Variants in EIF4G3 observed in about 807,000 individuals in gnomAD.
EIF4G3 encodes the protein eukaryotic translation initiation factor 4 gamma 3.
EIF4G3 carries 34 observed loss-of-function variants against 186.4 expected under a neutral mutation model. The observed-to-expected ratio is 0.18, with a 90% CI of 0.14 to 0.24. The LOEUF is 0.24. EIF4G3 is among the 10% of genes least tolerant of loss of function. The probability of loss-of-function intolerance (pLI) is 1.00; values close to 1 mark genes in which losing one functional copy is unlikely to be tolerated. For missense variants in EIF4G3, 1,536 were observed against 1,948.5 expected (o/e 0.79, Z 3.99); for synonymous variants, 673 against 679.5 (o/e 0.99, Z 0.15).
At position 20,857,489 on chromosome 1, in the gene EIF4G3, T is replaced by C; in HGVS notation, c.3253A>G (p.Arg1085Gly). Reference sequence around the variant, plus strand: ...GTGTTCCACCCACCTTCGTCCACTCTCTGGACACCTGCAGGGAGAACAGAG... The same window carrying C: ...GTGTTCCACCCACCTTCGTCCACTCCCTGGACACCTGCAGGGAGAACAGAG... ...TKEKRRPGVQ[R>G]VDEGGWNTVQ... Residue 1085 changes from arginine to glycine, a missense_variant, in exon 25 of 37, where the codon AGA becomes GGA. Arg to Gly is a moderately radical substitution (Grantham distance 125). Transcript: ENST00000602326. The C allele has an allele frequency of 1.9e-6, 3 of 1,613,944 alleles. No homozygotes were observed. The highest frequency in any genetic ancestry group is 2.5e-6 in the Non-Finnish European group (3 of 1,179,804).
At position 20,817,601 on chromosome 1, in the gene EIF4G3, AGAG is replaced by A. The variant is rs973956253; in HGVS notation, c.4369-66_4369-64del. Reference sequence around the variant, plus strand: ...ATAATTCTATGTTATTGTCATCCTGAGAGAAGAACAAAGTCATAGGTTACGTCT... The same window carrying A: ...ATAATTCTATGTTATTGTCATCCTGAAAGAACAAAGTCATAGGTTACGTCT... On this transcript the variant is annotated intron_variant, in intron 33 of 36. Coordinates refer to ENST00000602326, the MANE Select transcript of EIF4G3 (RefSeq NM_001391906.1). 13 of 1,102,680 alleles carry A rather than the reference AGAG, an allele frequency of 1.2e-5. No homozygotes were observed. The Admixed American group carries it at 2.2e-4, about 19-fold the overall frequency. 68.3% of individuals were successfully genotyped at this position (1,102,680 alleles called of 1,614,324 possible).
intron 13 of EIF4G3, among the ~76,000 whole-genome samples, chr1:20,948,482 A>G (rs1162197538): frequency 6.6e-6 from 1 of 152,204 alleles, no homozygotes; most frequent in Non-Finnish European, 1.5e-5. Flanking sequence ...AATACAGTAT[A>G]GGACCTGTCT....
intron 2 of EIF4G3, among the ~76,000 whole-genome samples, chr1:21,172,863 G>A (rs1394644471): frequency 4.0e-5 from 6 of 151,464 alleles, no homozygotes; most frequent in Admixed American, 2.0e-4. Context: ...GTTCTCGGCC[G>A]GGTGCAGTGG....
intron 2 of EIF4G3, among the ~76,000 whole-genome samples, chr1:21,109,897 G>A (rs1216654018): frequency 2.0e-5 from 3 of 152,182 alleles, no homozygotes; most frequent in Middle Eastern, 3.4e-3. Context: ...CGATTCTCCC[G>A]CCTCAGCCAC....
intron 4 of EIF4G3, among the ~76,000 whole-genome samples, chr1:21,040,908 C>G (rs934100558): frequency 6.6e-6 from 1 of 152,124 alleles, no homozygotes; most frequent in Non-Finnish European, 1.5e-5. Flanking sequence ...ACAAGGCAAA[C>G]GTCACCCTGT....
chr1:20,948,676 T>G (rs951786888), intron 13 of EIF4G3, among the ~76,000 whole-genome samples: 4 of 152,128 alleles, frequency 2.6e-5, no homozygotes, highest in Non-Finnish European at 4.4e-5. Flanking sequence ...TAATATTAAA[T>G]ATATCTATTT....
chr1:20,931,614 C>T (rs1258741849), intron 14 of EIF4G3, among the ~76,000 whole-genome samples: 1 of 152,132 alleles, frequency 6.6e-6, no homozygotes, highest in African/African-American at 2.4e-5. Flanking sequence ...TGACTTCTCC[C>T]CTTCTCTTTC....
At chr1:21,135,144 A>G (rs1454563041) in intron 2 of EIF4G3, among the ~76,000 whole-genome samples, 1 of 152,192 alleles carries the variant, frequency 6.6e-6, no homozygotes, top group Non-Finnish European at 1.5e-5. Context: ...TTTAAAACCC[A>G]TTTTCATTAT....
At chr1:21,154,036 C>T (rs1306258307) in intron 2 of EIF4G3, among the ~76,000 whole-genome samples, 1 of 152,208 alleles carries the variant, frequency 6.6e-6, no homozygotes, top group African/African-American at 2.4e-5. Flanking sequence ...TAGCCAGCAG[C>T]TCCTAAAGCA....
At chr1:21,070,428 G>A (rs986607884) in intron 3 of EIF4G3, among the ~76,000 whole-genome samples, 4 of 152,008 alleles carry the variant, frequency 2.6e-5, no homozygotes, top group African/African-American at 9.7e-5. Context: ...AAAAATAATA[G>A]CAACAACACA....
intron 30 of EIF4G3, among the ~76,000 whole-genome samples, chr1:20,835,059 C>T (rs2066350820): frequency 6.5e-5 from 1 of 15,442 alleles, no homozygotes; most frequent in Non-Finnish European, 4.5e-3. Context: ...AACTTGAACT[C>T]AGTTAACAGG....
intron 7 of EIF4G3, among the ~76,000 whole-genome samples, chr1:20,987,095 C>T (rs887139210): frequency 7.9e-5 from 12 of 152,106 alleles, no homozygotes; most frequent in African/African-American, 2.7e-4. Context: ...TGTTTCCTCT[C>T]GAAAAATCCT....
At chr1:21,172,640 G>A (rs909248545) in intron 2 of EIF4G3, among the ~76,000 whole-genome samples, 4 of 152,000 alleles carry the variant, frequency 2.6e-5, no homozygotes, top group African/African-American at 4.8e-5. Context: ...TCTCCGCCTC[G>A]CGGGTTCACG....
chr1:21,018,571 A>G (rs1054414813), intron 4 of EIF4G3, among the ~76,000 whole-genome samples: 3 of 151,968 alleles, frequency 2.0e-5, no homozygotes, highest in African/African-American at 4.8e-5. Flanking sequence ...TAAAAAAAAA[A>G]AAAAATTAAG....
chr1:21,089,125 T>G lies in EIF4G3; in HGVS notation c.-196+13A>C, dbSNP rs2101148579. On this transcript the variant is annotated intron_variant, in intron 3 of 36. Transcript: ENST00000602326. ...AAAGCACACACACAATTTGACAACCTTCAGACACTCACCGTGCTGTAGACT... is the reference window on the plus strand; with the variant it reads ...AAAGCACACACACAATTTGACAACCGTCAGACACTCACCGTGCTGTAGACT... 2.8e-6 allele frequency: 2 copies of G among 716,528 alleles called. No homozygotes were observed. Among genetic ancestry groups the G allele is most frequent in the Admixed American group, 4.0e-5 (2 of 49,784 alleles). 44.4% of individuals were successfully genotyped at this position (716,528 alleles called of 1,614,324 possible). A position where few individuals can be genotyped will look rare whatever the true frequency, so the allele number is the denominator to read the frequency against.
Position 21,063,716 on chromosome 1 carries a change from G to T in EIF4G3, c.-195-12722C>A, listed in dbSNP as rs865889024. Among the ~76,000 whole-genome samples, 12 of 7,138 alleles carry T rather than the reference G, an allele frequency of 1.7e-3. 1 individual carries two copies. The highest frequency in any genetic ancestry group is 5.6e-3 in the Non-Finnish European group (12 of 2,128). 4.7% of individuals were successfully genotyped at this position (7,138 alleles called of 152,430 possible). Reference sequence around the variant, plus strand: ...CATACTTTTCATTTTGGGGGGGGGGGTGTTGGGGGGGGGGACGCAGTCTCA... The same window carrying T: ...CATACTTTTCATTTTGGGGGGGGGGTTGTTGGGGGGGGGGACGCAGTCTCA... On this transcript the variant is annotated intron_variant, in intron 3 of 36. Transcript: ENST00000602326.
At chr1:21,032,098 C>T (rs2092794501) in intron 4 of EIF4G3, among the ~76,000 whole-genome samples, 1 of 152,146 alleles carries the variant, frequency 6.6e-6, no homozygotes, top group African/African-American at 2.4e-5. Flanking sequence ...CACATAAATC[C>T]TATTTACCAA....
At chr1:21,038,877 CAT>C (rs1419344727) in intron 4 of EIF4G3, among the ~76,000 whole-genome samples, 2 of 152,058 alleles carry the variant, frequency 1.3e-5, no homozygotes, top group Non-Finnish European at 2.9e-5. Context: ...CATTATGAAA[CAT>C]ATTTTTTTTT....
At chr1:21,006,185 C>T (rs2085029303) in intron 4 of EIF4G3, among the ~76,000 whole-genome samples, 2 of 152,146 alleles carry the variant, frequency 1.3e-5, no homozygotes, top group African/African-American at 4.8e-5. Flanking sequence ...TAAAAGATGC[C>T]TCTACTCTTT....
Sources: allele counts gnomAD v4.1 joint callset (sites outside exome capture counted in the v4.1 genomes callset), GRCh38; gene constraint gnomAD v4.1.1; transcripts MANE v1.5; gene names NCBI Gene and HGNC (gene_info 2026-07-23, HGNC 2026-07-21).